The following FRMD5 variants were observed in gnomAD, a reference collection of about 807,000 sequenced individuals.
FRMD5 encodes the protein FERM domain containing 5, also known as FERM domain-containing protein 5.
In FRMD5, 20 loss-of-function variants were observed where a neutral mutation model predicts 69.0. The ratio of observed to expected loss-of-function variants is 0.29; its 90% CI spans 0.20 to 0.42. The LOEUF (loss-of-function observed/expected upper bound fraction) is 0.42, where lower values mean the gene tolerates loss of function less well. Among genes scored for constraint, FRMD5 ranks in the 10% least tolerant of loss-of-function variants. FRMD5 has a pLI of 1.00. For synonymous variants in FRMD5, 271 were observed against 260.1 expected, an observed-to-expected ratio of 1.04 and a Z score of -0.40; for missense variants, 595 against 708.6, an observed-to-expected ratio of 0.84 and a Z score of 1.82.
chr15:44,196,096 C>T (rs2078292234), upstream of FRMD5, among the ~76,000 whole-genome samples: 1 of 152,126 alleles, frequency 6.6e-6, no homozygotes, highest in Non-Finnish European at 1.5e-5. Flanking sequence ...TTACAGACTT[C>T]AAGGTTTTTT....
At chr15:44,107,301 C>T (rs983142953) in intron 1 of FRMD5, among the ~76,000 whole-genome samples, 2 of 152,128 alleles carry the variant, frequency 1.3e-5, no homozygotes, top group African/African-American at 4.8e-5. Flanking sequence ...TAAACATCAC[C>T]AGTCTTAGGA....
intron 11 of FRMD5, 132 bp downstream of exon 11, chr15:43,885,549 A>G: frequency 1.4e-6 from 1 of 725,416 alleles, no homozygotes; most frequent in Non-Finnish European, 2.5e-6. Context: ...ATAAGATGGG[A>G]GAATTAGATG....
Position 43,975,060 on chromosome 15 carries a change from T to A in FRMD5, c.103-50751A>T, listed in dbSNP as rs1228127001. ...TCAGCTGGAACAGAATCGCAGAATG[T>A]CCAGAGCAGTGAACCATGAGGAATG... On this transcript the variant is annotated intron_variant, in intron 1 of 13. Coordinates refer to ENST00000417257, the MANE Select transcript of FRMD5 (RefSeq NM_032892.5). Among the ~76,000 whole-genome samples the A allele has an allele frequency of 2.0e-5, 3 of 152,196 alleles. No homozygotes were observed. The East Asian group carries it at 5.8e-4, about 29-fold the overall frequency.
At chr15:44,176,530 T>C (rs1258848455) in intron 1 of FRMD5, among the ~76,000 whole-genome samples, 2 of 152,108 alleles carry the variant, frequency 1.3e-5, no homozygotes, top group Admixed American at 6.6e-5. Flanking sequence ...GATTATTAAA[T>C]TGGACTCCAT....
intron 1 of FRMD5, among the ~76,000 whole-genome samples, chr15:43,937,996 G>A (rs973578026): frequency 7.9e-5 from 12 of 151,404 alleles, no homozygotes; most frequent in Admixed American, 2.6e-4. Context: ...GGCTGGGAGC[G>A]GTGGCTCATA....
At chr15:44,097,636 A>G (rs2076572780) in intron 1 of FRMD5, among the ~76,000 whole-genome samples, 1 of 152,176 alleles carries the variant, frequency 6.6e-6, no homozygotes, top group Non-Finnish European at 1.5e-5. Flanking sequence ...CACACACAGA[A>G]CCGTCTATCT....
At chr15:43,925,513 C>G (rs1017201541) in intron 1 of FRMD5, among the ~76,000 whole-genome samples, 1 of 152,214 alleles carries the variant, frequency 6.6e-6, no homozygotes, top group African/African-American at 2.4e-5. Context: ...AAATTATTTA[C>G]CCAGTTCCAT....
chr15:44,185,414 C>A (rs2140583581), intron 1 of FRMD5, among the ~76,000 whole-genome samples: 1 of 152,292 alleles, frequency 6.6e-6, no homozygotes, highest in South Asian at 2.1e-4. Context: ...TGCCTTATAA[C>A]ATTCCAGGCA....
rs374448779 is a variant in FRMD5, at chr15:44,129,700, G to A, written c.102+65253C>T. Among the ~76,000 whole-genome samples the A allele has an allele frequency of 5.9e-5, 9 of 152,196 alleles. No homozygotes were observed. The East Asian group carries it at 9.7e-4, about 16-fold the overall frequency. ...CTGTAGGATAGGCTTTTAGAGTGAAGCTTCTAACAGCCGTCCACATCACAA... is the reference window on the plus strand; with the variant it reads ...CTGTAGGATAGGCTTTTAGAGTGAAACTTCTAACAGCCGTCCACATCACAA... On this transcript the variant is annotated intron_variant, in intron 1 of 13. Transcript: ENST00000417257.
intron 1 of FRMD5, among the ~76,000 whole-genome samples, chr15:44,009,923 G>C (rs1890637391): frequency 1.3e-5 from 2 of 152,210 alleles, no homozygotes; most frequent in African/African-American, 2.4e-5. Flanking sequence ...TTCTGCCCAG[G>C]AGTAAACACT....
intron 2 of FRMD5, among the ~76,000 whole-genome samples, chr15:43,923,754 C>A (rs1440179879): frequency 6.6e-6 from 1 of 152,136 alleles, no homozygotes. Context: ...GCAAGAACTG[C>A]AAGATCTGCA....
At chr15:44,128,158 T>G (rs938779852) in intron 1 of FRMD5, among the ~76,000 whole-genome samples, 2 of 152,190 alleles carry the variant, frequency 1.3e-5, no homozygotes, top group Non-Finnish European at 2.9e-5. Flanking sequence ...TATTTTTATA[T>G]CCATACTATT....
At chr15:44,072,218 C>T (rs1029028673) in intron 1 of FRMD5, among the ~76,000 whole-genome samples, 1 of 152,128 alleles carries the variant, frequency 6.6e-6, no homozygotes. Context: ...TACAAACAGA[C>T]AAAACATGCT....
At chr15:43,977,153 G>T (rs1460234179) in intron 1 of FRMD5, among the ~76,000 whole-genome samples, 2 of 152,032 alleles carry the variant, frequency 1.3e-5, no homozygotes, top group Admixed American at 1.3e-4. Context: ...AGTTTCTATA[G>T]GGGAGGGGTT....
intron 1 of FRMD5, among the ~76,000 whole-genome samples, chr15:43,973,133 C>T (rs2090408678): frequency 1.3e-5 from 2 of 152,122 alleles, no homozygotes; most frequent in Non-Finnish European, 2.9e-5. Flanking sequence ...CGCCATTCTC[C>T]TGCCTCAGCC....
chr15:43,894,601 G>A (rs924349985), intron 7 of FRMD5, among the ~76,000 whole-genome samples: 3 of 151,950 alleles, frequency 2.0e-5, no homozygotes, highest in Non-Finnish European at 2.9e-5. Context: ...TGGAAATGAA[G>A]CCTTGGGCCT....
At chr15:44,197,889 A>T (rs1485286385), upstream of FRMD5, among the ~76,000 whole-genome samples, 1 of 152,182 alleles carries the variant, frequency 6.6e-6, no homozygotes, top group Non-Finnish European at 1.5e-5. Flanking sequence ...AAGCACTATG[A>T]ATCCAGAAAA....
At chr15:44,160,206 T>C (rs919228488) in intron 1 of FRMD5, among the ~76,000 whole-genome samples, 2 of 152,110 alleles carry the variant, frequency 1.3e-5, no homozygotes, top group Non-Finnish European at 1.5e-5. Context: ...ATACAAAAAT[T>C]AGCTGGGCGT....
chr15:43,938,489 C>T (rs9920164), intron 1 of FRMD5, among the ~76,000 whole-genome samples: 19,891 of 152,170 alleles, frequency 0.13, 2,203 homozygotes, highest in African/African-American at 0.29. Flanking sequence ...ATAGCTGCTG[C>T]AGAAGCAACC....
Sources: allele counts gnomAD v4.1 joint callset (sites outside exome capture counted in the v4.1 genomes callset), GRCh38; gene constraint gnomAD v4.1.1; transcripts MANE v1.5; gene names NCBI Gene and HGNC (gene_info 2026-07-23, HGNC 2026-07-21).